Variants in GRIP1 observed in about 807,000 individuals in gnomAD.
The protein encoded by GRIP1 is glutamate receptor-interacting protein 1.
GRIP1 carries 45 observed loss-of-function variants against 129.9 expected under a neutral mutation model. The observed-to-expected ratio is 0.35, with a 90% CI of 0.27 to 0.44. GRIP1 has a LOEUF of 0.44. Ranked by LOEUF, GRIP1 falls within the 20% of genes least tolerant of loss-of-function variation. GRIP1 has a pLI of 1.00. For missense variants in GRIP1, 1,196 were observed against 1,396.8 expected (o/e 0.86, Z 2.29); for synonymous variants, 530 against 520.8 (o/e 1.02, Z -0.24).
chr12:66,370,957 A>C (rs1002312435), intron 23 of GRIP1, among the ~76,000 whole-genome samples: 1 of 152,128 alleles, frequency 6.6e-6, no homozygotes, highest in Non-Finnish European at 1.5e-5. Flanking sequence ...CCTGAACAAC[A>C]TAATCATCTA....
Position 66,655,561 on chromosome 12 carries a change from A to G in GRIP1, c.55+23289T>C, listed in dbSNP as rs1030007082. On this transcript the variant is annotated intron_variant, in intron 1 of 24. Transcript: ENST00000359742. ...TATGAGTTTGGACAAATGTATAATG[A>G]CACGTATCCACCATACACTAATATT... Among the ~76,000 whole-genome samples, 10 of 151,248 alleles carry G rather than the reference A, an allele frequency of 6.6e-5. No homozygotes were observed. The South Asian group carries it at 2.1e-3, about 32-fold the overall frequency.
At chr12:66,366,020 T>A (rs755788960) in intron 23 of GRIP1, among the ~76,000 whole-genome samples, 1 of 152,234 alleles carries the variant, frequency 6.6e-6, no homozygotes, top group Non-Finnish European at 1.5e-5. Context: ...CTATGTTCTC[T>A]CTAGTTTATC....
chr12:66,874,338 C>T (rs2040346349), intron 1 of GRIP1, among the ~76,000 whole-genome samples: 1 of 151,970 alleles, frequency 6.6e-6, no homozygotes, highest in Non-Finnish European at 1.5e-5. Context: ...TGCATTGCTT[C>T]CATTAATATA....
At chr12:66,698,332 G>A (rs1855291061) in intron 1 of GRIP1, among the ~76,000 whole-genome samples, 1 of 152,150 alleles carries the variant, frequency 6.6e-6, no homozygotes, top group Admixed American at 6.5e-5. Context: ...TGTCAACTAT[G>A]GGGAAACATC....
At chr12:66,836,343 C>G (rs572239156) in intron 1 of GRIP1, among the ~76,000 whole-genome samples, 34 of 152,296 alleles carry the variant, frequency 2.2e-4, no homozygotes, top group Admixed American at 4.6e-4. Flanking sequence ...AACTGGCTCC[C>G]ATACTTCCCG....
chr12:66,487,310 T>C (rs962053190), intron 7 of GRIP1, among the ~76,000 whole-genome samples: 1 of 152,092 alleles, frequency 6.6e-6, no homozygotes, highest in South Asian at 2.1e-4. Flanking sequence ...CCAGAAGAGA[T>C]TGGGGGCCAA....
chr12:66,790,373 T>C (rs1746933897), intron 1 of GRIP1, among the ~76,000 whole-genome samples: 1 of 152,168 alleles, frequency 6.6e-6, no homozygotes, highest in African/African-American at 2.4e-5. Context: ...TGAGGCATCG[T>C]AAACTGTCAA....
At chr12:66,597,842 G>C (rs576275257) in intron 1 of GRIP1, among the ~76,000 whole-genome samples, 2 of 152,006 alleles carry the variant, frequency 1.3e-5, no homozygotes, top group South Asian at 2.1e-4. Flanking sequence ...GGTTAAAATT[G>C]AAAGGACAAT....
At chr12:66,832,857 C>T (rs2039542762) in intron 1 of GRIP1, among the ~76,000 whole-genome samples, 1 of 152,122 alleles carries the variant, frequency 6.6e-6, no homozygotes, top group Admixed American at 6.5e-5. Flanking sequence ...AGGTGGTTCC[C>T]AGTGGAAGAT....
intron 1 of GRIP1, among the ~76,000 whole-genome samples, chr12:66,633,851 G>T (rs191462502): frequency 2.4e-4 from 36 of 152,342 alleles, no homozygotes; most frequent in Non-Finnish European, 4.8e-4. Context: ...GCCAAAGGCA[G>T]TCAAATAACA....
chr12:66,437,167 T>C (rs543406942), intron 13 of GRIP1, among the ~76,000 whole-genome samples: 57 of 152,314 alleles, frequency 3.7e-4, no homozygotes, highest in African/African-American at 1.3e-3. Context: ...ACGGATGGCT[T>C]ACATCCAGAA....
At chr12:66,949,892 C>A (rs1227120792) in intron 1 of GRIP1, among the ~76,000 whole-genome samples, 1 of 151,808 alleles carries the variant, frequency 6.6e-6, no homozygotes, top group Non-Finnish European at 1.5e-5. Context: ...CTCAGCCCCC[C>A]CGAGTAGCTG....
intron 1 of GRIP1, among the ~76,000 whole-genome samples, chr12:66,646,125 G>A (rs557919868): frequency 5.3e-5 from 8 of 152,288 alleles, no homozygotes; most frequent in Non-Finnish European, 8.8e-5. Flanking sequence ...AAAAAGGTAC[G>A]TTAAGTTTTC....
chr12:66,857,556 GAAAAAA>G (rs61311434), intron 1 of GRIP1, among the ~76,000 whole-genome samples: 3 of 125,710 alleles, frequency 2.4e-5, no homozygotes, highest in Non-Finnish European at 5.0e-5. Flanking sequence ...CTAGTCTCAG[GAAAAAA>G]AAAAAAAAAA....
At chr12:66,827,718 A>G (rs886379995) in intron 1 of GRIP1, among the ~76,000 whole-genome samples, 5 of 152,176 alleles carry the variant, frequency 3.3e-5, no homozygotes, top group African/African-American at 1.2e-4. Context: ...GAAAAACATG[A>G]AAAAAATTCT....
chr12:66,595,373 A>G (rs1189931314), intron 2 of GRIP1, among the ~76,000 whole-genome samples: 1 of 152,230 alleles, frequency 6.6e-6, no homozygotes, highest in African/African-American at 2.4e-5. Flanking sequence ...GTCATTTAGA[A>G]TGTGGCATTA....
chr12:66,462,540 A>G (rs11176200), intron 9 of GRIP1, among the ~76,000 whole-genome samples: 40,804 of 152,008 alleles, frequency 0.27, 6,431 homozygotes, highest in African/African-American at 0.43. Context: ...TGTGTGGCTT[A>G]GAAAAAAGAC....
intron 19 of GRIP1, among the ~76,000 whole-genome samples, chr12:66,391,889 T>TA (rs1565692888): frequency 6.6e-6 from 1 of 151,890 alleles, no homozygotes; most frequent in Non-Finnish European, 1.5e-5. Flanking sequence ...CAGGAATAAA[T>TA]AGAGTCACAA....
rs186396516 is a variant in GRIP1 at position 66,722,262 on chromosome 12, C to A, written c.-420+81791G>T. ...TGATTTAAAGTGAGAGACATGTAAACCCTGCATTCAGTTGAACACTTAGAG... is the reference window on the plus strand; with the variant it reads ...TGATTTAAAGTGAGAGACATGTAAAACCTGCATTCAGTTGAACACTTAGAG... On this transcript the variant is annotated intron_variant, in intron 1 of 4. Coordinates refer to the GRIP1 transcript ENST00000538373. Among the ~76,000 whole-genome samples the A allele has an allele frequency of 1.6e-3, 245 of 152,212 alleles. 3 individuals are homozygous for A. The highest frequency in any genetic ancestry group is 5.8e-3 in the African/African-American group (241 of 41,516).
Sources: gnomAD v4.1 joint callset for allele counts (sites outside exome capture counted in the v4.1 genomes callset) on GRCh38, gnomAD v4.1.1 for gene constraint, MANE v1.5 for transcripts, NCBI Gene and HGNC (gene_info 2026-07-23, HGNC 2026-07-21) for gene names.